Variants in MTUS2 observed in about 807,000 individuals in gnomAD.
MTUS2 encodes the protein microtubule associated scaffold protein 2, also known as microtubule-associated tumor suppressor candidate 2.
Under a neutral mutation model 114.1 loss-of-function variants are expected in MTUS2, and 40 were observed. The observed-to-expected ratio is 0.35, with a 90% CI of 0.27 to 0.46. MTUS2 has a LOEUF of 0.46. Ranked by LOEUF, MTUS2 falls within the 20% of genes least tolerant of loss-of-function variation. MTUS2 has a pLI of 1.00. For missense variants in MTUS2, 1,679 were observed against 1,705.4 expected (o/e 0.98, Z 0.27); for synonymous variants, 688 against 672.0 (o/e 1.02, Z -0.37).
intron 1 of MTUS2, among the ~76,000 whole-genome samples, chr13:28,831,069 C>T (rs371835974): frequency 6.6e-6 from 1 of 151,964 alleles, no homozygotes; most frequent in Non-Finnish European, 1.5e-5. Context: ...AACACACATC[C>T]ACAGGAAGAA....
intron 1 of MTUS2, 76 bp downstream of exon 1, chr13:28,820,687 GGT>G (rs1873832896): frequency 6.6e-6 from 1 of 152,314 alleles, no homozygotes. Context: ...GCCGGAGACA[GGT>G]GAGCGGAGTT....
chr13:29,432,858 C>G (rs1877109590), intron 8 of MTUS2, among the ~76,000 whole-genome samples: 1 of 152,216 alleles, frequency 6.6e-6, no homozygotes, highest in Non-Finnish European at 1.5e-5. Flanking sequence ...TACCTTGTCT[C>G]TAAATTCTTG....
At chr13:29,161,099 G>T (rs1452892581) in intron 5 of MTUS2, among the ~76,000 whole-genome samples, 3 of 152,234 alleles carry the variant, frequency 2.0e-5, no homozygotes, top group African/African-American at 7.2e-5. Context: ...TAACTTGATT[G>T]TGGTGGCAGA....
intron 5 of MTUS2, among the ~76,000 whole-genome samples, chr13:29,269,235 A>T (rs1233271119): frequency 6.6e-6 from 1 of 152,120 alleles, no homozygotes; most frequent in African/African-American, 2.4e-5. Context: ...CTTCCTGGAG[A>T]AGAATCTGCC....
At chr13:29,121,201 T>C (rs563761657) in intron 5 of MTUS2, among the ~76,000 whole-genome samples, 5 of 152,324 alleles carry the variant, frequency 3.3e-5, no homozygotes, top group African/African-American at 1.2e-4. Flanking sequence ...TCAACAGATG[T>C]CATTAGGCAT....
chr13:29,151,448 A>G (rs1005935595), intron 5 of MTUS2, among the ~76,000 whole-genome samples: 5 of 152,174 alleles, frequency 3.3e-5, no homozygotes, highest in Non-Finnish European at 7.4e-5. Context: ...GGAGTAATGT[A>G]TAGGGTTTTC....
chr13:29,013,449 T>C (rs914130984), intron 2 of MTUS2, among the ~76,000 whole-genome samples: 3 of 152,256 alleles, frequency 2.0e-5, no homozygotes, highest in African/African-American at 7.2e-5. Context: ...GTTTTTCTGG[T>C]AAGCAGATAG....
At chr13:29,114,430 A>G (rs1468017038) in intron 5 of MTUS2, among the ~76,000 whole-genome samples, 3 of 152,214 alleles carry the variant, frequency 2.0e-5, no homozygotes. Flanking sequence ...ATCCATCCTC[A>G]TATGTAAGAG....
At chr13:29,140,678 C>T (rs1429113169) in intron 5 of MTUS2, among the ~76,000 whole-genome samples, 1 of 152,144 alleles carries the variant, frequency 6.6e-6, no homozygotes, top group African/African-American at 2.4e-5. Context: ...CCCCAGTTCT[C>T]TGGTAGGTGA....
chr13:29,454,983 C>A (rs1211540748), intron 9 of MTUS2, among the ~76,000 whole-genome samples: 1 of 152,168 alleles, frequency 6.6e-6, no homozygotes, highest in Non-Finnish European at 1.5e-5. Context: ...CTAAGCACTG[C>A]ACATTTGACA....
chr13:29,268,812 C>T (rs1897765839), intron 5 of MTUS2, among the ~76,000 whole-genome samples: 1 of 152,180 alleles, frequency 6.6e-6, no homozygotes, highest in South Asian at 2.1e-4. Context: ...TCACTGCAGC[C>T]TCAAACTCCT....
intron 2 of MTUS2, among the ~76,000 whole-genome samples, chr13:28,966,116 A>G (rs937128671): frequency 6.6e-6 from 1 of 152,254 alleles, no homozygotes. Context: ...TAATAGTGAA[A>G]TAAAGTAATA....
chr13:28,956,424 C>T (rs897421279), intron 2 of MTUS2, among the ~76,000 whole-genome samples: 2 of 152,260 alleles, frequency 1.3e-5, no homozygotes, highest in South Asian at 4.1e-4. Context: ...CTACCTGCTC[C>T]ACCCCCACTG....
At chr13:29,350,980 T>TATATATATATATATATATATATAG (rs1869211510) in intron 7 of MTUS2, among the ~76,000 whole-genome samples, 2 of 142,494 alleles carry the variant, frequency 1.4e-5, no homozygotes, top group Non-Finnish European at 3.0e-5. Context: ...TATATATATA[T>TATATATATATATATATATATATAG]ATATCTTCAG....
intron 2 of MTUS2, among the ~76,000 whole-genome samples, chr13:28,987,249 T>TG (rs1228080916): frequency 2.0e-5 from 3 of 151,632 alleles, no homozygotes; most frequent in Non-Finnish European, 2.9e-5. Context: ...CAACCCTGGG[T>TG]GAAAAGATGG....
intron 1 of MTUS2, among the ~76,000 whole-genome samples, chr13:28,825,592 C>A (rs1874216331): frequency 6.6e-6 from 1 of 152,118 alleles, no homozygotes; most frequent in Non-Finnish European, 1.5e-5. Flanking sequence ...CACACACACC[C>A]CTGGCAACAG....
chr13:29,388,161 GTTGTAACCATTCCAGGTCTCT>G (rs562924064), intron 8 of MTUS2, among the ~76,000 whole-genome samples: 45 of 152,210 alleles, frequency 3.0e-4, no homozygotes, highest in African/African-American at 8.9e-4. Context: ...GGATGGGGAG[GTTGTAACCATTCCAGGTCTCT>G]TTGACCCAAT....
intron 2 of MTUS2, among the ~76,000 whole-genome samples, chr13:28,900,346 G>A (rs1351741427): frequency 6.6e-6 from 1 of 152,060 alleles, no homozygotes; most frequent in African/African-American, 2.4e-5. Flanking sequence ...AATCAGTGTG[G>A]GTTCATGTAT....
At chr13:29,097,561 T>C (rs1448397077) in intron 4 of MTUS2, among the ~76,000 whole-genome samples, 1 of 152,216 alleles carries the variant, frequency 6.6e-6, no homozygotes. Flanking sequence ...TCTAACATGC[T>C]AAATGTCTTA....
Sources: allele counts gnomAD v4.1 joint callset (sites outside exome capture counted in the v4.1 genomes callset), GRCh38; gene constraint gnomAD v4.1.1; transcripts MANE v1.5; gene names NCBI Gene and HGNC (gene_info 2026-07-23, HGNC 2026-07-21).